The following KIDINS220 variants were observed in gnomAD, a reference collection of about 807,000 sequenced individuals.
The protein encoded by KIDINS220 is kinase D-interacting substrate of 220 kDa.
In KIDINS220, 63 loss-of-function variants were observed where a neutral mutation model predicts 157.6. The ratio of observed to expected loss-of-function variants is 0.40; its 90% CI spans 0.33 to 0.49. KIDINS220 has a LOEUF of 0.49. Ranked by LOEUF, KIDINS220 falls within the 20% of genes least tolerant of loss-of-function variation. KIDINS220 has a pLI of 0.66. For synonymous variants in KIDINS220, 732 were observed against 783.6 expected (o/e 0.93, Z 1.10); for missense variants, 1,772 against 2,171.2 (o/e 0.82, Z 3.65).
rs568235592 is a variant in KIDINS220, at chr2:8,749,136, G to A, written c.3414+976C>T. On this transcript the variant is annotated intron_variant, in intron 24 of 29. Transcript: ENST00000256707. ...AGAAAAACGGAGTAACATTTCTCGG[G>A]ACTCTTTAAACAGTACCTAATTACT... Among the ~76,000 whole-genome samples, 3 of 152,208 alleles carry A rather than the reference G, an allele frequency of 2.0e-5. No individual in the cohort carries two copies. In the South Asian group the frequency reaches 6.2e-4, roughly 32 times the overall value.
chr2:8,757,823 GTCC>G lies in KIDINS220; in HGVS notation c.3012-6182_3012-6180del, dbSNP rs760912481. 3 of 1,500,132 alleles carry G rather than the reference GTCC, an allele frequency of 2.0e-6. No individual in the cohort carries two copies. The African/African-American group carries it at 4.1e-5, about 21-fold the overall frequency. The allele number at this position is 1,500,132 out of a possible 1,614,324, so 92.9% of individuals were successfully genotyped here. ...ATAATAACATCTTCAGTATGGCTCT[GTCC>G]TCCTAAATCCTGGACTTGGAATTCT... On this transcript the variant is annotated intron_variant, in intron 22 of 29. Coordinates refer to ENST00000256707, the MANE Select transcript of KIDINS220 (RefSeq NM_020738.4).
At chr2:8,777,858 T>C (rs1572615427) in intron 20 of KIDINS220, among the ~76,000 whole-genome samples, 2 of 152,204 alleles carry the variant, frequency 1.3e-5, no homozygotes, top group Non-Finnish European at 2.9e-5. Flanking sequence ...CCTCTGAATT[T>C]AGTGCTGTCA....
At chr2:8,769,860 T>C (rs1007237424) in intron 22 of KIDINS220, among the ~76,000 whole-genome samples, 2 of 152,166 alleles carry the variant, frequency 1.3e-5, no homozygotes, top group Admixed American at 1.3e-4. Flanking sequence ...CTGCATCTAC[T>C]GGAACACCTA....
At chr2:8,791,270 T>C (rs1229211227) in intron 12 of KIDINS220, 46 bp from the exon 13 acceptor site, 1 of 1,489,824 alleles carries the variant, frequency 6.7e-7, no homozygotes, top group Admixed American at 1.8e-5. Flanking sequence ...GTGGCATTAC[T>C]ATTAGAAATG....
chr2:8,785,606 A>T, intron 17 of KIDINS220, 135 bp downstream of exon 17: 1 of 805,626 alleles, frequency 1.2e-6, no homozygotes, highest in Non-Finnish European at 2.0e-6. Flanking sequence ...TGAACGAATG[A>T]ATGAATGAAC....
At position 8,730,224 on chromosome 2, in the gene KIDINS220, T is replaced by C; in HGVS notation, c.*496A>G. ...CCCCTGCCATACAGAACGCTGGATC[T>C]CGGTTTACTCAGCCTCTCCCTGTAG... On this transcript the variant is annotated 3_prime_UTR_variant, in exon 30 of 30. Transcript: ENST00000256707. 2 of 987,898 alleles carry C rather than the reference T, an allele frequency of 2.0e-6. No individual in the cohort carries two copies. Among genetic ancestry groups the C allele is most frequent in the Non-Finnish European group, 2.4e-6 (2 of 831,766 alleles). The allele number at this position is 987,898 out of a possible 1,614,324, so 61.2% of individuals were successfully genotyped here.
intron 11 of KIDINS220, among the ~76,000 whole-genome samples, chr2:8,795,081 A>G (rs1247127673): frequency 1.3e-5 from 2 of 152,252 alleles, no homozygotes; most frequent in Non-Finnish European, 1.5e-5. Context: ...ACACAGCATA[A>G]GAGTCCATTT....
chr2:8,757,865 G>T, intron 22 of KIDINS220: 2 of 1,291,420 alleles, frequency 1.5e-6, no homozygotes, highest in Non-Finnish European at 2.2e-6. Flanking sequence ...TGTTTTCTTT[G>T]TTGGTTTTGT....
chr2:8,803,144 CA>C lies in KIDINS220; in HGVS notation c.604-18del. The C allele has an allele frequency of 1.3e-6, 2 of 1,584,330 alleles. No individual in the cohort carries two copies. Among genetic ancestry groups the C allele is most frequent in the East Asian group, 2.2e-5 (1 of 44,664 alleles). On this transcript the variant is annotated intron_variant, in intron 7 of 29. Coordinates refer to ENST00000256707, the MANE Select transcript of KIDINS220 (RefSeq NM_020738.4). ...CATTGAATTCTAAAAACAACAACAA[CA>C]AAAACAAAACAAAACGCAAGCCCAA...
chr2:8,756,321 C>A (rs1007586662), intron 22 of KIDINS220, among the ~76,000 whole-genome samples: 4 of 152,174 alleles, frequency 2.6e-5, no homozygotes, highest in African/African-American at 9.7e-5. Flanking sequence ...GTGTGTTGAT[C>A]TGTATCCTGC....
Position 8,730,371 on chromosome 2 carries a change from CT to C in KIDINS220, c.*348del, listed in dbSNP as rs1301826440. 3 of 1,037,218 alleles carry C rather than the reference CT, an allele frequency of 2.9e-6. No individual in the cohort carries two copies. The highest frequency in any genetic ancestry group is 1.7e-5 in the African/African-American group (1 of 58,996). The allele number at this position is 1,037,218 out of a possible 1,614,324, so 64.3% of individuals were successfully genotyped here. On this transcript the variant is annotated 3_prime_UTR_variant, in exon 30 of 30. Coordinates refer to ENST00000256707, the MANE Select transcript of KIDINS220 (RefSeq NM_020738.4). ...AAATGTTTGCAAAAAGGGTCTCTAGCTTTTTTTCTTTTTGGCACATTAAGCC... is the reference window on the plus strand; with the variant it reads ...AAATGTTTGCAAAAAGGGTCTCTAGCTTTTTTCTTTTTGGCACATTAAGCC...
At chr2:8,755,527 A>G (rs1297937238) in intron 22 of KIDINS220, among the ~76,000 whole-genome samples, 1 of 152,250 alleles carries the variant, frequency 6.6e-6, no homozygotes, top group African/African-American at 2.4e-5. Flanking sequence ...ACATGCACAC[A>G]AAGGTGTTCT....
intron 27 of KIDINS220, among the ~76,000 whole-genome samples, chr2:8,736,087 A>G (rs1664818943): frequency 6.6e-6 from 1 of 152,254 alleles, no homozygotes; most frequent in African/African-American, 2.4e-5. Flanking sequence ...AAATTGGCTG[A>G]GATGAGTAAA....
Position 8,791,192 on chromosome 2 carries a change from T to C in KIDINS220, c.1309A>G (p.Met437Val). 6.2e-7 allele frequency: 1 copy of C among 1,613,958 alleles called. No individual in the cohort carries two copies. The highest frequency in any genetic ancestry group is 1.1e-5 in the South Asian group (1 of 91,034). Residue 437 changes from methionine (M) to valine (V), a missense_variant, in exon 13 of 30, where the codon ATG becomes GTG. Transcript: ENST00000256707. ...CTGCTATATAAATCATATCCAAGCA[T>C]GTCACCGTCTGTTTCAGTAGGAGAC... Reference protein sequence around the residue: ...HLSPTETDGDMLGYDLYSSAL... With the variant: ...HLSPTETDGDVLGYDLYSSAL...
chr2:8,787,010 CTCTCA>C (rs1672489774), intron 15 of KIDINS220, among the ~76,000 whole-genome samples: 1 of 151,860 alleles, frequency 6.6e-6, no homozygotes. Context: ...CTAAATTAAA[CTCTCA>C]TCTCAGTCCA....
intron 12 of KIDINS220, among the ~76,000 whole-genome samples, chr2:8,792,014 G>A (rs1189438806): frequency 1.3e-5 from 2 of 152,090 alleles, no homozygotes; most frequent in Non-Finnish European, 2.9e-5. Flanking sequence ...AATAAGGCAG[G>A]AAAGGATGAA....
chr2:8,753,535 T>C (rs1667630605), intron 22 of KIDINS220, among the ~76,000 whole-genome samples: 1 of 152,232 alleles, frequency 6.6e-6, no homozygotes. Context: ...TCAATTTAAA[T>C]ATGGCAGTTT....
At chr2:8,831,570 G>T (rs1679629039) in intron 1 of KIDINS220, among the ~76,000 whole-genome samples, 1 of 152,128 alleles carries the variant, frequency 6.6e-6, no homozygotes, top group African/African-American at 2.4e-5. Flanking sequence ...CCAGGCCCTG[G>T]GCTCCTCCAC....
In KIDINS220 at chr2:8,797,183, T is replaced by C. The variant is rs75934064; in HGVS notation, c.1000-314A>G. ...CCTGGGGCAGCTCCCCTCCAGAGGC[T>C]ACTTCCCGTTCTCCCCACCGACCAA... On this transcript the variant is annotated intron_variant, in intron 10 of 29. Coordinates refer to ENST00000256707, the MANE Select transcript of KIDINS220 (RefSeq NM_020738.4). Among the ~76,000 whole-genome samples, 463 of 152,294 alleles carry C rather than the reference T, an allele frequency of 3.0e-3. 3 individuals are homozygous for C. The highest frequency in any genetic ancestry group is 5.0e-3 in the Non-Finnish European group (339 of 68,018).
Sources: allele counts gnomAD v4.1 joint callset (sites outside exome capture counted in the v4.1 genomes callset), GRCh38; gene constraint gnomAD v4.1.1; transcripts MANE v1.5; gene names NCBI Gene and HGNC (gene_info 2026-07-23, HGNC 2026-07-21).